The following PTPRR variants were observed in gnomAD, a reference collection of about 807,000 sequenced individuals.
PTPRR encodes the protein receptor-type tyrosine-protein phosphatase R.
In PTPRR, 38 loss-of-function variants were observed where a neutral mutation model predicts 77.2. The observed-to-expected ratio is 0.49, with a 90% CI of 0.38 to 0.65. The LOEUF (loss-of-function observed/expected upper bound fraction) is 0.65. PTPRR is among the 30% of genes least tolerant of loss of function. PTPRR has a pLI of 0.00. For missense variants in PTPRR, 744 were observed against 799.2 expected, an observed-to-expected ratio of 0.93 and a Z score of 0.83; for synonymous variants, 299 against 283.1, an observed-to-expected ratio of 1.06 and a Z score of -0.57.
intron 2 of PTPRR, among the ~76,000 whole-genome samples, chr12:70,873,631 C>T (rs981031280): frequency 6.6e-6 from 1 of 152,112 alleles, no homozygotes; most frequent in Non-Finnish European, 1.5e-5. Flanking sequence ...AGACTAGCTT[C>T]CCTGGGAGAG....
intron 5 of PTPRR, among the ~76,000 whole-genome samples, chr12:70,747,203 C>T (rs973423022): frequency 6.6e-6 from 1 of 151,972 alleles, no homozygotes; most frequent in Admixed American, 6.6e-5. Context: ...ATGACCTTCA[C>T]GGTGTAAAAA....
rs187527733 is a variant in PTPRR, at chr12:70,782,784, T to C, written c.358-18006A>G. Among the ~76,000 whole-genome samples, 20 of 152,190 alleles carry C rather than the reference T, an allele frequency of 1.3e-4. No individual in the cohort carries two copies. The East Asian group carries it at 3.9e-3, about 29-fold the overall frequency. ...CACACCAACATGGCACATGTATACA[T>C]ATGTAACAAAGCTGTACGTTGTGAA... On this transcript the variant is annotated intron_variant, in intron 2 of 13. Transcript: ENST00000283228.
intron 2 of PTPRR, among the ~76,000 whole-genome samples, chr12:70,802,412 A>G (rs1306148694): frequency 6.6e-6 from 1 of 152,198 alleles, no homozygotes; most frequent in Non-Finnish European, 1.5e-5. Context: ...GATTTTAATC[A>G]ATATATGGTC....
chr12:70,733,478 AAAAG>A (rs1271247456), intron 6 of PTPRR, among the ~76,000 whole-genome samples: 136 of 88,466 alleles, frequency 1.5e-3, no homozygotes, highest in African/African-American at 3.4e-3. Context: ...GGCAAAAAAA[AAAAG>A]AAAAAAAAAG....
chr12:70,796,566 C>G (rs187294250), intron 2 of PTPRR, among the ~76,000 whole-genome samples: 30 of 152,232 alleles, frequency 2.0e-4, no homozygotes, highest in African/African-American at 7.2e-4. Flanking sequence ...AGATCCCTGC[C>G]CTGTATCTCA....
At chr12:70,742,097 A>G (rs1287394149) in intron 6 of PTPRR, among the ~76,000 whole-genome samples, 1 of 152,188 alleles carries the variant, frequency 6.6e-6, no homozygotes, top group African/African-American at 2.4e-5. Flanking sequence ...TACTTATGAG[A>G]ACCAAAGAGA....
chr12:70,863,991 C>T (rs995510605), intron 2 of PTPRR, among the ~76,000 whole-genome samples: 1 of 152,130 alleles, frequency 6.6e-6, no homozygotes, highest in Non-Finnish European at 1.5e-5. Flanking sequence ...TTATAAAGAA[C>T]AGATAGCCTC....
chr12:70,708,489 C>T (rs1008911744), intron 6 of PTPRR, among the ~76,000 whole-genome samples: 2 of 152,080 alleles, frequency 1.3e-5, no homozygotes, highest in South Asian at 2.1e-4. Context: ...CCTAAAGTTA[C>T]ATCCTATGTT....
At chr12:70,882,919 G>A (rs1005256782) in intron 2 of PTPRR, among the ~76,000 whole-genome samples, 4 of 152,186 alleles carry the variant, frequency 2.6e-5, no homozygotes, top group Non-Finnish European at 5.9e-5. Flanking sequence ...AGTATTCAAT[G>A]TGTTTTATCA....
At chr12:70,794,544 G>A (rs1293817652) in intron 2 of PTPRR, among the ~76,000 whole-genome samples, 3 of 152,176 alleles carry the variant, frequency 2.0e-5, no homozygotes, top group Admixed American at 6.5e-5. Context: ...AAAACCAAAC[G>A]AAGCCTTTAC....
intron 1 of PTPRR, among the ~76,000 whole-genome samples, chr12:70,896,636 GA>G (rs1361367484): frequency 6.6e-6 from 1 of 151,792 alleles, no homozygotes; most frequent in East Asian, 1.9e-4. Context: ...GGGCCAAAGA[GA>G]AAGTCACAAG....
At chr12:70,713,373 T>C (rs1354250244) in intron 6 of PTPRR, among the ~76,000 whole-genome samples, 1 of 152,208 alleles carries the variant, frequency 6.6e-6, no homozygotes, top group Non-Finnish European at 1.5e-5. Context: ...GTTTAAGTTT[T>C]GCATGAACAT....
intron 10 of PTPRR, among the ~76,000 whole-genome samples, chr12:70,679,071 A>T (rs1318845054): frequency 6.6e-6 from 1 of 152,168 alleles, no homozygotes. Context: ...ATTGATATAA[A>T]CTTCTCTTTT....
intron 10 of PTPRR, among the ~76,000 whole-genome samples, chr12:70,683,925 A>G (rs545360461): frequency 1.2e-3 from 188 of 152,322 alleles, no homozygotes; most frequent in Admixed American, 4.6e-3. Context: ...TGTATATGCC[A>G]AGTATATTGA....
intron 6 of PTPRR, 101 bp from the exon 7 acceptor site, chr12:70,701,424 A>G: frequency 9.9e-7 from 1 of 1,011,524 alleles, no homozygotes. Flanking sequence ...GAACTTTTAC[A>G]GAAATAACAA....
chr12:70,798,739 A>G (rs574430021), intron 2 of PTPRR, among the ~76,000 whole-genome samples: 1 of 151,384 alleles, frequency 6.6e-6, no homozygotes, highest in East Asian at 2.0e-4. Flanking sequence ...TTATCTAAAG[A>G]AGCACCCCAC....
At chr12:70,792,303 C>T (rs1300508038) in intron 2 of PTPRR, among the ~76,000 whole-genome samples, 7 of 152,084 alleles carry the variant, frequency 4.6e-5, no homozygotes, top group South Asian at 2.1e-4. Context: ...AGATTTTCAG[C>T]GATGAAATTC....
At position 70,914,299 on chromosome 12, in the gene PTPRR, T is replaced by C. The variant is rs549023831; in HGVS notation, c.58+6034A>G. Among the ~76,000 whole-genome samples, 173 of 152,326 alleles carry C rather than the reference T, an allele frequency of 1.1e-3. 1 individual carries two copies. Among genetic ancestry groups the C allele is most frequent in the African/African-American group, 4.0e-3 (165 of 41,568 alleles). On this transcript the variant is annotated intron_variant, in intron 1 of 13. Transcript: ENST00000283228. The stretch of plus-strand genomic sequence containing the variant: ...GCCTTCCTAATGAGTTTGGAGTTTA[T>C]TCTAAAAGAAAAGGAGATAGCTGTA...
intron 6 of PTPRR, among the ~76,000 whole-genome samples, chr12:70,729,736 A>G (rs931479094): frequency 5.0e-4 from 76 of 152,286 alleles, no homozygotes; most frequent in African/African-American, 1.6e-3. Context: ...ATACATGGAC[A>G]TGGCAATAAA....
Sources: allele counts gnomAD v4.1 joint callset (sites outside exome capture counted in the v4.1 genomes callset), GRCh38; gene constraint gnomAD v4.1.1; transcripts MANE v1.5; gene names NCBI Gene and HGNC (gene_info 2026-07-23, HGNC 2026-07-21).